Variants in DRC5 observed in about 807,000 individuals in gnomAD.
The protein encoded by DRC5 is dynein regulatory complex subunit 5.
At chr6:44,286,306 G>A in the DRC5 span, 2 of 1,613,376 alleles carry the variant, frequency 1.2e-6, no homozygotes, top group South Asian at 1.1e-5. Context: ...TGGTGCCTGG[G>A]ATAAAGTGCT....
the DRC5 span, among the ~76,000 whole-genome samples, chr6:44,294,876 G>A: frequency 1.3e-5 from 2 of 152,032 alleles, no homozygotes; most frequent in Non-Finnish European, 2.9e-5. Context: ...GAAGACAGGA[G>A]TCTGAGAGAG....
the DRC5 span, among the ~76,000 whole-genome samples, chr6:44,294,886 G>A: frequency 6.6e-6 from 1 of 152,102 alleles, no homozygotes; most frequent in Non-Finnish European, 1.5e-5. Flanking sequence ...GTCTGAGAGA[G>A]CTCTGCCTGT....
the DRC5 span, chr6:44,287,668 T>C: frequency 1.2e-5 from 19 of 1,614,076 alleles, no homozygotes; most frequent in Non-Finnish European, 1.4e-5. Context: ...GGCCCTGGGA[T>C]GTGGGTTCCT....
the DRC5 span, chr6:44,280,068 T>C: frequency 1.0e-6 from 1 of 977,534 alleles, no homozygotes; most frequent in Non-Finnish European, 1.6e-6. Context: ...ACTCCAAGGT[T>C]ATTCACAGTC....
the DRC5 span, chr6:44,282,551 C>T: frequency 1.3e-6 from 2 of 1,585,950 alleles, no homozygotes; most frequent in African/African-American, 2.7e-5. Context: ...TTCGGGTCAG[C>T]TTGAAGATCT....
the DRC5 span, chr6:44,286,289 G>T: frequency 3.7e-6 from 6 of 1,613,140 alleles, no homozygotes; most frequent in Non-Finnish European, 5.1e-6. Flanking sequence ...GATCACCGCA[G>T]GGTCTGTGGT....
At chr6:44,283,704 T>C in the DRC5 span, among the ~76,000 whole-genome samples, 1 of 152,268 alleles carries the variant, frequency 6.6e-6, no homozygotes, top group Non-Finnish European at 1.5e-5. Flanking sequence ...CATCAGCTGA[T>C]GGGACTGGTT....
the DRC5 span, among the ~76,000 whole-genome samples, chr6:44,289,002 A>AAAAAAG: frequency 8.5e-6 from 1 of 117,076 alleles, no homozygotes; most frequent in Non-Finnish European, 2.0e-5. Flanking sequence ...TCAAAAAAAA[A>AAAAAAG]AAAAAAAAAA....
the DRC5 span, chr6:44,282,363 G>A: frequency 3.1e-6 from 5 of 1,614,220 alleles, no homozygotes; most frequent in Admixed American, 1.7e-5. Flanking sequence ...GGCACCGGGT[G>A]CACGCACCTG....
At chr6:44,295,385 T>C in the DRC5 span, among the ~76,000 whole-genome samples, 5 of 152,160 alleles carry the variant, frequency 3.3e-5, no homozygotes, top group Non-Finnish European at 7.4e-5. Flanking sequence ...GTTGTGTCTC[T>C]AACCTGGGAC....
the DRC5 span, chr6:44,286,555 G>A: frequency 5.6e-5 from 89 of 1,588,912 alleles, no homozygotes; most frequent in Admixed American, 3.8e-4. Flanking sequence ...AGGAAGGAGC[G>A]CAGGGGGTCA....
At chr6:44,288,425 G>A in the DRC5 span, among the ~76,000 whole-genome samples, 5 of 152,116 alleles carry the variant, frequency 3.3e-5, no homozygotes, top group African/African-American at 1.2e-4. Flanking sequence ...AAGTATCACG[G>A]GTGGGTTTAA....
the DRC5 span, chr6:44,280,469 G>C: frequency 1.9e-6 from 2 of 1,067,432 alleles, no homozygotes; most frequent in African/African-American, 1.6e-5. Flanking sequence ...TTTTCAGGTA[G>C]ATGTGACTAA....
chr6:44,279,588 G>A, the DRC5 span: 6 of 152,350 alleles, frequency 3.9e-5, no homozygotes, highest in Admixed American at 3.9e-4. Flanking sequence ...AGCCCCTGGT[G>A]TCAGCTCATT....
At chr6:44,287,465 T>C in the DRC5 span, 4 of 1,395,364 alleles carry the variant, frequency 2.9e-6, no homozygotes, top group Non-Finnish European at 2.9e-6. Context: ...ACCCAGCTTC[T>C]GCAGTCTTGG....
chr6:44,289,771 C>G, the DRC5 span, among the ~76,000 whole-genome samples: 2 of 152,352 alleles, frequency 1.3e-5, no homozygotes, highest in Non-Finnish European at 2.9e-5. Flanking sequence ...GACCCTCCCC[C>G]ATTTGCCCAT....
chr6:44,285,354 T>C, the DRC5 span, among the ~76,000 whole-genome samples: 1 of 152,218 alleles, frequency 6.6e-6, no homozygotes, highest in South Asian at 2.1e-4. Flanking sequence ...CATGGAATAT[T>C]CGGGACATAC....
the DRC5 span, chr6:44,280,424 C>T: frequency 1.1e-5 from 17 of 1,524,774 alleles, no homozygotes; most frequent in Admixed American, 1.4e-4. Flanking sequence ...GGGTCATTTA[C>T]ATCACTACCC....
the DRC5 span, among the ~76,000 whole-genome samples, chr6:44,294,094 T>C: frequency 2.8e-3 from 426 of 152,250 alleles, 2 homozygotes; most frequent in Middle Eastern, 6.8e-3. Flanking sequence ...GTGATTCTCC[T>C]GTCTCAGCCT....
Sources: allele counts gnomAD v4.1 joint callset (sites outside exome capture counted in the v4.1 genomes callset), GRCh38; gene constraint gnomAD v4.1.1; transcripts MANE v1.5; gene names NCBI Gene and HGNC (gene_info 2026-07-23, HGNC 2026-07-21).